KDM5A: variants seen among roughly 807,000 people sequenced by gnomAD.
KDM5A encodes lysine demethylase 5A, also known as lysine-specific demethylase 5A.
KDM5A carries 42 observed loss-of-function variants against 193.5 expected under a neutral mutation model. That is an observed-to-expected ratio of 0.22 (90% CI 0.17 to 0.28). The LOEUF (loss-of-function observed/expected upper bound fraction) is 0.28, where lower values mean the gene tolerates loss of function less well. KDM5A is among the 10% of genes least tolerant of loss of function. KDM5A has a pLI of 1.00. For missense variants in KDM5A, 1,692 were observed against 2,055.1 expected (o/e 0.82, Z 3.42); for synonymous variants, 796 against 718.1 (o/e 1.11, Z -1.73).
chr12:291,591 GAA>G (rs1161991396), intron 27 of KDM5A, among the ~76,000 whole-genome samples: 1 of 152,164 alleles, frequency 6.6e-6, no homozygotes, highest in Non-Finnish European at 1.5e-5. Context: ...GTATTTCATT[GAA>G]AAAGTGAGGG....
chr12:337,913 G>C (rs1307439392), intron 10 of KDM5A, among the ~76,000 whole-genome samples: 1 of 152,094 alleles, frequency 6.6e-6, no homozygotes, highest in African/African-American at 2.4e-5. Context: ...AAAGTGCTGA[G>C]ATTACAAGCA....
chr12:309,958 T>A lies in KDM5A; in HGVS notation c.3223A>T (p.Ser1075Cys), dbSNP rs779098735. ...NSSHTLLQVLSPRTDIGVYGS... is the reference protein window; with the variant it reads ...NSSHTLLQVLCPRTDIGVYGS... ...TATACACCAATGTCGGTCCGGGGGC[T>A]CAGCACCTACAAAAATAAAACCACC... Residue 1075 changes from serine to cysteine, a missense_variant, in exon 22 of 28, where the codon AGC becomes TGC. Ser to Cys is a moderately radical substitution (Grantham distance 112). Transcript: ENST00000399788. The A allele has an allele frequency of 6.2e-7, 1 of 1,612,578 alleles. No homozygotes were observed. Among genetic ancestry groups the A allele is most frequent in the Non-Finnish European group, 8.5e-7 (1 of 1,179,714 alleles).
chr12:368,673 A>G (rs1258091400), intron 3 of KDM5A, among the ~76,000 whole-genome samples: 4 of 152,172 alleles, frequency 2.6e-5, no homozygotes, highest in Non-Finnish European at 5.9e-5. Context: ...AGGAGGTTGC[A>G]GTGAGCCAGA....
At chr12:356,590 AT>A (rs2137458285) in intron 5 of KDM5A, 53 bp from the exon 6 acceptor site, 7 of 1,155,204 alleles carry the variant, frequency 6.1e-6, no homozygotes, top group Non-Finnish European at 7.8e-6. Flanking sequence ...TCATGCATTA[AT>A]TTTTTTACCC....
At chr12:295,823 A>C in intron 25 of KDM5A, 30 bp from the exon 26 acceptor site, 2 of 1,560,546 alleles carry the variant, frequency 1.3e-6, no homozygotes, top group Non-Finnish European at 1.8e-6. Flanking sequence ...AAAACAAAGC[A>C]AAAAAAATTA....
chr12:334,798 G>A lies in KDM5A; in HGVS notation c.1309-376C>T, dbSNP rs116431124. Among the ~76,000 whole-genome samples the A allele has an allele frequency of 8.9e-3, 1,350 of 152,158 alleles. 18 individuals are homozygous for A. Among genetic ancestry groups the A allele is most frequent in the African/African-American group, 0.031 (1,285 of 41,542 alleles). ...TTTACTACTATATTGATAGAATGGT[G>A]CTAGATACTGTAAAGACAAAATACA... On this transcript the variant is annotated intron_variant, in intron 10 of 27. Coordinates refer to ENST00000399788, the MANE Select transcript of KDM5A (RefSeq NM_001042603.3).
chr12:295,343 A>G (rs1242618758), intron 26 of KDM5A, among the ~76,000 whole-genome samples: 1 of 151,522 alleles, frequency 6.6e-6, no homozygotes, highest in Non-Finnish European at 1.5e-5. Flanking sequence ...AGAGAAAGAG[A>G]GAGAAAGAAA....
chr12:285,138 T>C lies in KDM5A; in HGVS notation c.*318A>G. 1 of 424,724 alleles carries C rather than the reference T, an allele frequency of 2.4e-6. No homozygotes were observed. The highest frequency in any genetic ancestry group is 3.2e-5 in the South Asian group (1 of 31,642). The allele number at this position is 424,724 out of a possible 1,614,324, so 26.3% of individuals were successfully genotyped here. ...AAAAGCCACATCCTATATGCCCTGTTAGCACACCAATGTATTAATACTAAC... is the reference window on the plus strand; with the variant it reads ...AAAAGCCACATCCTATATGCCCTGTCAGCACACCAATGTATTAATACTAAC... On this transcript the variant is annotated 3_prime_UTR_variant, in exon 28 of 28. Coordinates refer to ENST00000399788, the MANE Select transcript of KDM5A (RefSeq NM_001042603.3).
At chr12:332,118 TC>T (rs1943873690) in intron 12 of KDM5A, among the ~76,000 whole-genome samples, 180 bp from the exon 13 acceptor site, 1 of 152,310 alleles carries the variant, frequency 6.6e-6, no homozygotes, top group Non-Finnish European at 1.5e-5. Flanking sequence ...CTTAAAATAG[TC>T]ACTGATAATA....
chr12:370,403 A>G (rs1944411923), intron 3 of KDM5A, among the ~76,000 whole-genome samples: 1 of 152,224 alleles, frequency 6.6e-6, no homozygotes, highest in Admixed American at 6.5e-5. Context: ...AAAAATAAAT[A>G]AAAATTAAAA....
chr12:378,758 A>T (rs988456173), intron 3 of KDM5A, among the ~76,000 whole-genome samples: 8 of 151,916 alleles, frequency 5.3e-5, no homozygotes, highest in Admixed American at 1.3e-4. Context: ...GGAGATTGAG[A>T]CCATCCTGGC....
intron 27 of KDM5A, among the ~76,000 whole-genome samples, chr12:287,497 C>CAAAAA (rs58615505): frequency 8.2e-6 from 1 of 121,814 alleles, no homozygotes. Flanking sequence ...AATCAGAGAC[C>CAAAAA]AAAAAAAAAA....
At position 280,899 on chromosome 12, in the gene KDM5A, C is replaced by G. The variant is rs959472655; in HGVS notation, c.*4557G>C. 2 of 232,870 alleles carry G rather than the reference C, an allele frequency of 8.6e-6. No homozygotes were observed. The highest frequency in any genetic ancestry group is 1.7e-5 in the Non-Finnish European group (2 of 117,902). The allele number at this position is 232,870 out of a possible 1,614,324, so 14.4% of individuals were successfully genotyped here. A position where few individuals can be genotyped will look rare whatever the true frequency, so the allele number is the denominator to read the frequency against. ...CACCACTGATCAAATTATTTTGGCTCAGTTCTTTATTTTATAGTTAGCAAA... is the reference window on the plus strand; with the variant it reads ...CACCACTGATCAAATTATTTTGGCTGAGTTCTTTATTTTATAGTTAGCAAA... On this transcript the variant is annotated 3_prime_UTR_variant, in exon 28 of 28. Transcript: ENST00000399788.
At chr12:322,637 C>A in intron 16 of KDM5A, 70 bp from the exon 17 acceptor site, 1 of 1,336,166 alleles carries the variant, frequency 7.5e-7, no homozygotes, top group Non-Finnish European at 1.1e-6. Flanking sequence ...AAATCTTCAC[C>A]AACCTCACTC....
intron 3 of KDM5A, among the ~76,000 whole-genome samples, chr12:375,846 T>A (rs1009291094): frequency 3.9e-5 from 6 of 152,360 alleles, no homozygotes; most frequent in Non-Finnish European, 8.8e-5. Context: ...GGAGGTCCAC[T>A]CCAGACCCTG....
intron 3 of KDM5A, among the ~76,000 whole-genome samples, chr12:373,313 A>G (rs575477739): frequency 1.3e-5 from 2 of 152,252 alleles, no homozygotes; most frequent in East Asian, 3.9e-4. Context: ...TTCCTGGTTT[A>G]GTCTTGGGAG....
At chr12:364,549 G>A (rs1319027957) in intron 4 of KDM5A, among the ~76,000 whole-genome samples, 2 of 151,608 alleles carry the variant, frequency 1.3e-5, no homozygotes, top group African/African-American at 4.8e-5. Context: ...ACTTTGGGAG[G>A]CCGAGGTGAG....
Position 285,073 on chromosome 12 carries a change from T to A in KDM5A, c.*383A>T. On this transcript the variant is annotated 3_prime_UTR_variant, in exon 28 of 28. Transcript: ENST00000399788. ...AGCAATTAGCACCTTCAGTTGGTGC[T>A]GCTCCTAAGTTGTAAGCCTCTAACT... is the stretch of plus-strand genomic sequence containing the variant. 1 of 307,528 alleles carries A rather than the reference T, an allele frequency of 3.3e-6. No homozygotes were observed. The highest frequency in any genetic ancestry group is 6.1e-6 in the Non-Finnish European group (1 of 163,894). 19.0% of individuals were successfully genotyped at this position (307,528 alleles called of 1,614,324 possible).
At position 290,284 on chromosome 12, in the gene KDM5A, C is replaced by T. The variant is rs148875475; in HGVS notation, c.4866+2475G>A. Among the ~76,000 whole-genome samples, 1,056 of 152,128 alleles carry T rather than the reference C, an allele frequency of 6.9e-3. 2 individuals are homozygous for T. The highest frequency in any genetic ancestry group is 0.012 in the Non-Finnish European group (802 of 67,996). On this transcript the variant is annotated intron_variant, in intron 27 of 27. Coordinates refer to ENST00000399788, the MANE Select transcript of KDM5A (RefSeq NM_001042603.3). ...CAATGTCAGGAACAAACATGTAGAACCATAAAAACTGCAAAACAGCAGTAA... is the reference window on the plus strand; with the variant it reads ...CAATGTCAGGAACAAACATGTAGAATCATAAAAACTGCAAAACAGCAGTAA...
Sources: allele counts gnomAD v4.1 joint callset (sites outside exome capture counted in the v4.1 genomes callset), GRCh38; gene constraint gnomAD v4.1.1; transcripts MANE v1.5; gene names NCBI Gene and HGNC (gene_info 2026-07-23, HGNC 2026-07-21).